Variants in ZNF618 observed in about 807,000 individuals in gnomAD.
ZNF618 encodes the protein zinc finger protein 618.
Under a neutral mutation model 103.0 loss-of-function variants are expected in ZNF618, and 34 were observed. The observed-to-expected ratio is 0.33, with a 90% CI of 0.25 to 0.44. The LOEUF is 0.44. Among genes scored for constraint, ZNF618 ranks in the 20% least tolerant of loss-of-function variants. The probability of loss-of-function intolerance (pLI) is 1.00; values close to 1 mark genes in which losing one functional copy is unlikely to be tolerated. For missense variants in ZNF618, 1,059 were observed against 1,295.4 expected, an observed-to-expected ratio of 0.82 and a Z score of 2.80; for synonymous variants, 551 against 542.2, an observed-to-expected ratio of 1.02 and a Z score of -0.23.
At chr9:113,970,512 A>G (rs1467318642) in intron 2 of ZNF618, among the ~76,000 whole-genome samples, 1 of 152,110 alleles carries the variant, frequency 6.6e-6, no homozygotes, top group Non-Finnish European at 1.5e-5. Flanking sequence ...CTCTGCCAGT[A>G]TAATGCTGAA....
At chr9:113,979,430 G>A (rs1838781693) in intron 2 of ZNF618, among the ~76,000 whole-genome samples, 3 of 152,216 alleles carry the variant, frequency 2.0e-5, no homozygotes, top group African/African-American at 7.2e-5. Flanking sequence ...AAAGGATAAA[G>A]ATATAACTTT....
intron 2 of ZNF618, among the ~76,000 whole-genome samples, chr9:113,980,021 A>ACC: frequency 6.6e-6 from 1 of 152,188 alleles, no homozygotes; most frequent in East Asian, 1.9e-4. Flanking sequence ...GTGGTATGGT[A>ACC]AGGAATGGTT....
chr9:113,978,199 T>C (rs1237892680), intron 2 of ZNF618, among the ~76,000 whole-genome samples: 1 of 152,252 alleles, frequency 6.6e-6, no homozygotes, highest in Non-Finnish European at 1.5e-5. Context: ...ATGTGAGGAT[T>C]TGAAACTTAG....
rs1422185831 is a variant in ZNF618, at chr9:114,053,501, T to C, written c.*3334T>C. On this transcript the variant is annotated 3_prime_UTR_variant, in exon 15 of 15. Coordinates refer to ENST00000374126, the MANE Select transcript of ZNF618 (RefSeq NM_001318042.2). ...TGGTCCCCAGGACAGAAATGGCCTTTGTTTTGACATACATGGACCCAAAAG... is the reference window on the plus strand; with the variant it reads ...TGGTCCCCAGGACAGAAATGGCCTTCGTTTTGACATACATGGACCCAAAAG... 6.6e-6 allele frequency: 1 copy of C among 152,250 alleles called. No individual in the cohort carries two copies. The highest frequency in any genetic ancestry group is 2.4e-5 in the African/African-American group (1 of 41,454). The allele number at this position is 152,250 out of a possible 1,614,324, so 9.4% of individuals were successfully genotyped here.
chr9:113,920,245 A>G (rs552239639), intron 1 of ZNF618, among the ~76,000 whole-genome samples: 23 of 152,168 alleles, frequency 1.5e-4, no homozygotes, highest in South Asian at 4.2e-4. Context: ...AAGTGAGGCT[A>G]TTGGCGTGGA....
At chr9:114,010,931 C>G (rs1044127200) in intron 9 of ZNF618, among the ~76,000 whole-genome samples, 1 of 152,142 alleles carries the variant, frequency 6.6e-6, no homozygotes, top group Admixed American at 6.5e-5. Flanking sequence ...CTTACTAGCT[C>G]CCTACCCCTT....
chr9:114,007,967 A>G (rs1393404459), intron 7 of ZNF618, among the ~76,000 whole-genome samples: 3 of 152,082 alleles, frequency 2.0e-5, no homozygotes, highest in Admixed American at 1.3e-4. Flanking sequence ...ACCTGTTACC[A>G]CTGGCCCATC....
chr9:113,877,265 A>G (rs1180316047), intron 1 of ZNF618, among the ~76,000 whole-genome samples: 1 of 151,174 alleles, frequency 6.6e-6, no homozygotes, highest in Non-Finnish European at 1.5e-5. Context: ...TACCCAACTC[A>G]TTTTAGTTTG....
At chr9:114,017,888 T>G (rs1372752452) in intron 10 of ZNF618, among the ~76,000 whole-genome samples, 1 of 152,092 alleles carries the variant, frequency 6.6e-6, no homozygotes, top group Non-Finnish European at 1.5e-5. Context: ...TCCCCAGGAA[T>G]TCCTCCCCTC....
chr9:114,017,040 TTG>T (rs1413547814), intron 10 of ZNF618, among the ~76,000 whole-genome samples: 5 of 152,080 alleles, frequency 3.3e-5, no homozygotes, highest in African/African-American at 1.2e-4. Context: ...GCCCACATGA[TTG>T]GGGTGAGGAG....
At position 114,052,459 on chromosome 9, in the gene ZNF618, C is replaced by G. The variant is rs1262357861; in HGVS notation, c.*2292C>G. 6.6e-6 allele frequency: 1 copy of G among 152,576 alleles called. No homozygotes were observed. Among genetic ancestry groups the G allele is most frequent in the Admixed American group, 6.5e-5 (1 of 15,288 alleles). 9.5% of individuals were successfully genotyped at this position (152,576 alleles called of 1,614,324 possible). On this transcript the variant is annotated 3_prime_UTR_variant, in exon 15 of 15. Coordinates refer to ENST00000374126, the MANE Select transcript of ZNF618 (RefSeq NM_001318042.2). ...ACTGGAGCAGGAACAGGGAGAAATC[C>G]AGACAGGAACCTCATGTCACTTCCT...
intron 3 of ZNF618, among the ~76,000 whole-genome samples, chr9:113,990,807 T>TG (rs1410210098): frequency 2.0e-5 from 3 of 152,064 alleles, no homozygotes; most frequent in Non-Finnish European, 2.9e-5. Flanking sequence ...CAGGAATGTT[T>TG]GGGGAGGCGC....
chr9:114,050,102 C>A lies in ZNF618; in HGVS notation c.2800C>A (p.Arg934=). 1.2e-6 allele frequency: 2 copies of A among 1,608,932 alleles called. No homozygotes were observed. Among genetic ancestry groups the A allele is most frequent in the Non-Finnish European group, 1.7e-6 (2 of 1,178,216 alleles). The change falls in exon 15 of 15, where the codon CGG becomes AGG. Residue 934 remains arginine, a synonymous_variant. Coordinates refer to ENST00000374126, the MANE Select transcript of ZNF618 (RefSeq NM_001318042.2). Reference sequence around the variant, plus strand: ...GTGTGAACAAGCGCTTCTAATCAAACGGAGGCGGCTGCTCAGTCCAGAAGA... The same window carrying A: ...GTGTGAACAAGCGCTTCTAATCAAAAGGAGGCGGCTGCTCAGTCCAGAAGA... ...NMCEQALLIK[R]RRLLSPEDMN...
chr9:114,017,763 GC>G (rs892125531), intron 10 of ZNF618, among the ~76,000 whole-genome samples: 1 of 152,188 alleles, frequency 6.6e-6, no homozygotes, highest in Non-Finnish European at 1.5e-5. Context: ...GGGGGCTGAA[GC>G]CCCTTATAGT....
At chr9:113,920,729 A>G (rs1188948024) in intron 1 of ZNF618, among the ~76,000 whole-genome samples, 2 of 152,176 alleles carry the variant, frequency 1.3e-5, no homozygotes. Flanking sequence ...ATGAGTTTAC[A>G]TCATAAGGTG....
chr9:113,933,576 C>T (rs867481927), intron 1 of ZNF618, among the ~76,000 whole-genome samples: 2 of 151,898 alleles, frequency 1.3e-5, no homozygotes, highest in African/African-American at 4.8e-5. Context: ...AGGAGAGAGG[C>T]GAAAGTCTCA....
intron 6 of ZNF618, among the ~76,000 whole-genome samples, chr9:114,003,548 C>T (rs1237901266): frequency 1.3e-5 from 2 of 152,196 alleles, no homozygotes; most frequent in Non-Finnish European, 2.9e-5. Context: ...TTTATAGCTA[C>T]ACACAGCAAC....
intron 1 of ZNF618, among the ~76,000 whole-genome samples, chr9:113,900,274 C>T (rs1687768059): frequency 6.6e-6 from 1 of 152,074 alleles, no homozygotes; most frequent in African/African-American, 2.4e-5. Flanking sequence ...GTTGGCCAGG[C>T]TGCTCTCGAA....
In ZNF618 at chr9:114,008,532, G is replaced by A. The variant is rs1437131112; in HGVS notation, c.732G>A (p.Glu244=). The change falls in exon 9 of 15, where the codon GAG becomes GAA. Residue 244 remains glutamate, a synonymous_variant. Transcript: ENST00000374126. ...ACGAGGTGAAGGAGGAGCCCCCGGA[G>A]CCATTCCAGAAAATCGGGCCAAGTA... ...ATDEVKEEPP[E]PFQKIGPKTG... The A allele has an allele frequency of 1.9e-6, 3 of 1,613,868 alleles. No homozygotes were observed. Among genetic ancestry groups the A allele is most frequent in the Non-Finnish European group, 2.5e-6 (3 of 1,179,882 alleles).
Sources: allele counts gnomAD v4.1 joint callset (sites outside exome capture counted in the v4.1 genomes callset), GRCh38; gene constraint gnomAD v4.1.1; transcripts MANE v1.5; gene names NCBI Gene and HGNC (gene_info 2026-07-23, HGNC 2026-07-21).